EBF1: variants seen among roughly 807,000 people sequenced by gnomAD.
The protein encoded by EBF1 is transcription factor COE1.
In EBF1, 10 loss-of-function variants were observed where a neutral mutation model predicts 68.4. The ratio of observed to expected loss-of-function variants is 0.15; its 90% CI spans 0.09 to 0.25. The LOEUF is 0.25. Ranked by LOEUF, EBF1 falls within the 10% of genes least tolerant of loss-of-function variation. The pLI, the probability that EBF1 is intolerant of heterozygous loss-of-function variation, is 1.00. For missense variants in EBF1, 509 were observed against 794.4 expected (o/e 0.64, Z 4.32); for synonymous variants, 298 against 299.8 (o/e 0.99, Z 0.06).
At chr5:159,045,194 T>C (rs976157014) in intron 6 of EBF1, among the ~76,000 whole-genome samples, 2 of 152,142 alleles carry the variant, frequency 1.3e-5, no homozygotes, top group Admixed American at 6.5e-5. Flanking sequence ...GATCAGATCA[T>C]TTGTAATTTC....
chr5:158,967,541 G>A (rs1010642256), intron 6 of EBF1, among the ~76,000 whole-genome samples: 1 of 152,030 alleles, frequency 6.6e-6, no homozygotes, highest in African/African-American at 2.4e-5. Context: ...TATACGTATC[G>A]AGTATATGTT....
intron 6 of EBF1, among the ~76,000 whole-genome samples, chr5:159,044,331 C>T (rs1771880022): frequency 6.6e-6 from 1 of 152,102 alleles, no homozygotes; most frequent in Non-Finnish European, 1.5e-5. Flanking sequence ...TGAAGGACCC[C>T]AAGTTAATGC....
intron 6 of EBF1, among the ~76,000 whole-genome samples, chr5:158,892,741 T>C (rs1303989606): frequency 1.3e-5 from 2 of 152,218 alleles, no homozygotes; most frequent in Non-Finnish European, 2.9e-5. Context: ...CTTAAAATTC[T>C]CCATCCTGAG....
intron 11 of EBF1, among the ~76,000 whole-genome samples, chr5:158,721,008 A>C (rs1272397567): frequency 6.6e-6 from 1 of 152,218 alleles, no homozygotes; most frequent in Non-Finnish European, 1.5e-5. Context: ...TGAAATTCAA[A>C]CCACAGTAAA....
intron 10 of EBF1, among the ~76,000 whole-genome samples, chr5:158,733,320 T>C (rs1383307224): frequency 6.6e-6 from 1 of 152,202 alleles, no homozygotes. Context: ...GGTTTTACTT[T>C]TCAGTCTAAG....
chr5:158,864,891 C>T (rs558185277), intron 6 of EBF1, among the ~76,000 whole-genome samples: 20 of 152,278 alleles, frequency 1.3e-4, no homozygotes, highest in African/African-American at 4.1e-4. Flanking sequence ...ATCATTCTAT[C>T]TCTAACAGAG....
In EBF1 at chr5:159,059,221, T is replaced by C. The variant is rs1046293360; in HGVS notation, c.554+14175A>G. ...TAAGAAGAGAAACAGACATATAATATAACAGAGTTTCCTGAAATTCATTAT... is the reference window on the plus strand; with the variant it reads ...TAAGAAGAGAAACAGACATATAATACAACAGAGTTTCCTGAAATTCATTAT... On this transcript the variant is annotated intron_variant, in intron 6 of 15. Coordinates refer to ENST00000313708, the MANE Select transcript of EBF1 (RefSeq NM_024007.5). 9.2e-5 allele frequency among the ~76,000 whole-genome samples: 14 copies of C among 152,124 alleles called. 1 individual carries two copies. Among genetic ancestry groups the C allele is most frequent in the East Asian group, 3.8e-4 (2 of 5,196 alleles).
At chr5:158,861,481 T>C (rs1351790495) in intron 6 of EBF1, among the ~76,000 whole-genome samples, 3 of 152,200 alleles carry the variant, frequency 2.0e-5, no homozygotes, top group African/African-American at 7.2e-5. Flanking sequence ...AGTAGAGAAT[T>C]GAGTCTCTCA....
intron 9 of EBF1, among the ~76,000 whole-genome samples, chr5:158,793,227 T>C (rs1778994135): frequency 2.0e-5 from 3 of 152,336 alleles, no homozygotes; most frequent in South Asian, 2.1e-4. Flanking sequence ...AGGAACTAAG[T>C]GCTCAGTGAA....
intron 10 of EBF1, among the ~76,000 whole-genome samples, chr5:158,766,939 T>C (rs1330489193): frequency 3.9e-5 from 6 of 152,312 alleles, no homozygotes; most frequent in African/African-American, 1.2e-4. Flanking sequence ...TGTTATATCA[T>C]ACTAAAAAGA....
At chr5:159,063,872 G>T (rs546495024) in intron 6 of EBF1, among the ~76,000 whole-genome samples, 1 of 152,130 alleles carries the variant, frequency 6.6e-6, no homozygotes, top group African/African-American at 2.4e-5. Context: ...TCCTCACAAC[G>T]CTTCAAAATA....
intron 9 of EBF1, among the ~76,000 whole-genome samples, chr5:158,780,596 T>C (rs1298813820): frequency 6.6e-6 from 1 of 152,184 alleles, no homozygotes. Flanking sequence ...AAGAAGGTAT[T>C]GTAGATATTA....
chr5:158,927,596 G>A (rs938143245), intron 6 of EBF1, among the ~76,000 whole-genome samples: 4 of 152,308 alleles, frequency 2.6e-5, no homozygotes, highest in East Asian at 3.9e-4. Context: ...AATGCCAGCA[G>A]GCACAGCCCA....
intron 5 of EBF1, among the ~76,000 whole-genome samples, chr5:159,079,012 A>G (rs1779287239): frequency 1.3e-5 from 2 of 152,326 alleles, no homozygotes; most frequent in Non-Finnish European, 2.9e-5. Flanking sequence ...TCAAACTTGT[A>G]AAAAACAAGA....
intron 6 of EBF1, among the ~76,000 whole-genome samples, chr5:158,996,460 G>C (rs1761438758): frequency 6.6e-6 from 1 of 152,118 alleles, no homozygotes; most frequent in Non-Finnish European, 1.5e-5. Flanking sequence ...CAGAAGTAAG[G>C]GGCAAAGGAT....
chr5:158,802,286 C>G (rs1191960699), intron 8 of EBF1, among the ~76,000 whole-genome samples: 1 of 152,076 alleles, frequency 6.6e-6, no homozygotes, highest in Non-Finnish European at 1.5e-5. Context: ...TTATGAAAGC[C>G]TAATTAGAGA....
At chr5:158,787,307 C>T (rs1046084606) in intron 9 of EBF1, among the ~76,000 whole-genome samples, 1 of 152,146 alleles carries the variant, frequency 6.6e-6, no homozygotes, top group African/African-American at 2.4e-5. Context: ...TCCATTTCTT[C>T]CCTAGACATC....
rs995004509 is a variant in EBF1 at position 158,708,284 on chromosome 5, T to C, written c.1550-111A>G. 3 of 1,121,460 alleles carry C rather than the reference T, an allele frequency of 2.7e-6. No homozygotes were observed. In the African/African-American group the frequency reaches 4.7e-5, roughly 18 times the overall value. The allele number at this position is 1,121,460 out of a possible 1,614,324, so 69.5% of individuals were successfully genotyped here. On this transcript the variant is annotated intron_variant, in intron 14 of 15. Coordinates refer to ENST00000313708, the MANE Select transcript of EBF1 (RefSeq NM_024007.5). Reference sequence around the variant, plus strand: ...ACCTTGCTCTGCCCTGCTCAGACGATGCTTCCAGCACAAACCTTCCCTGAA... The same window carrying C: ...ACCTTGCTCTGCCCTGCTCAGACGACGCTTCCAGCACAAACCTTCCCTGAA...
At chr5:159,027,371 T>C (rs1561830052) in intron 6 of EBF1, among the ~76,000 whole-genome samples, 1 of 152,200 alleles carries the variant, frequency 6.6e-6, no homozygotes, top group Non-Finnish European at 1.5e-5. Flanking sequence ...ATGTCGCTTC[T>C]TCCAGGAGCC....
Sources: allele counts gnomAD v4.1 joint callset (sites outside exome capture counted in the v4.1 genomes callset), GRCh38; gene constraint gnomAD v4.1.1; transcripts MANE v1.5; gene names NCBI Gene and HGNC (gene_info 2026-07-23, HGNC 2026-07-21).